MLIP: variants seen among roughly 807,000 people sequenced by gnomAD.
MLIP encodes muscular LMNA-interacting protein.
In MLIP, 79 loss-of-function variants were observed where a neutral mutation model predicts 84.8. The observed-to-expected ratio is 0.93, with a 90% confidence interval of 0.78 to 1.12. MLIP has a LOEUF of 1.12. Among genes scored for constraint, MLIP ranks in the 50% most tolerant of loss-of-function variants. The pLI, the probability that MLIP is intolerant of heterozygous loss-of-function variation, is 0.00. For synonymous variants in MLIP, 504 were observed against 463.0 expected (o/e 1.09, Z -1.14); for missense variants, 1,257 against 1,160.6 (o/e 1.08, Z -1.21).
Position 54,169,035 on chromosome 6 carries a change from CA to C in MLIP, c.2500-492del, listed in dbSNP as rs375771288. On this transcript the variant is annotated intron_variant, in intron 8 of 13. Transcript: ENST00000502396. ...AATGATGTGGATGTTGCACTAGTAG[CA>C]CTAGAGAAATGAAGATGGTGGATAG... Among the ~76,000 whole-genome samples the C allele has an allele frequency of 8.5e-3, 1,289 of 151,696 alleles. 19 individuals carry two copies. Among genetic ancestry groups the C allele is most frequent in the African/African-American group, 0.029 (1,202 of 41,438 alleles).
Position 54,202,101 on chromosome 6 carries a change from G to C in MLIP, c.2590-4G>C. ...TTTAAAATATTTATTTTACATTCAT[G>C]AAGACTAAGCCTGGAGTAATTCGCC... On this transcript the variant is annotated splice_polypyrimidine_tract_variant and splice_region_variant and intron_variant, in intron 10 of 13. Coordinates refer to ENST00000502396, the MANE Select transcript of MLIP (RefSeq NM_001281747.2). 1 of 1,555,988 alleles carries C rather than the reference G, an allele frequency of 6.4e-7. No individual in the cohort carries two copies. The highest frequency in any genetic ancestry group is 8.7e-7 in the Non-Finnish European group (1 of 1,151,978).
At chr6:54,190,353 A>G (rs184730261) in intron 10 of MLIP, among the ~76,000 whole-genome samples, 1 of 152,368 alleles carries the variant, frequency 6.6e-6, no homozygotes, top group Admixed American at 6.5e-5. Flanking sequence ...GCTGAGCAAT[A>G]CAAACACAAC....
At chr6:54,178,535 T>TA (rs1239391702) in intron 9 of MLIP, among the ~76,000 whole-genome samples, 5 of 152,168 alleles carry the variant, frequency 3.3e-5, no homozygotes, top group African/African-American at 4.8e-5. Flanking sequence ...TGTAGGCACT[T>TA]ACAGCTATAA....
chr6:54,056,451 A>G (rs1765665354), intron 1 of MLIP, among the ~76,000 whole-genome samples: 1 of 152,192 alleles, frequency 6.6e-6, no homozygotes, highest in Non-Finnish European at 1.5e-5. Flanking sequence ...GTTGGAGGTC[A>G]TTCTGCTCCC....
chr6:54,230,818 T>G lies in MLIP; in HGVS notation c.2823T>G (p.Ala941=), dbSNP rs1370091168. 24 of 1,613,990 alleles carry G rather than the reference T, an allele frequency of 1.5e-5. No homozygotes were observed. The East Asian group carries it at 3.1e-4, about 21-fold the overall frequency. ...SLLHPQTLSH[A]DCLAPGPFSH... is the part of the protein sequence containing the mutation. The stretch of plus-strand genomic sequence containing the variant: ...TGCATCCACAGACCCTCTCACATGC[T>G]GACTGTCTTGCCCCAGGACCCTTCA... Residue 941 remains alanine (A), a synonymous_variant, in exon 12 of 14, where the codon GCT becomes GCG. Coordinates refer to ENST00000502396, the MANE Select transcript of MLIP (RefSeq NM_001281747.2).
rs1438882946 is a variant in MLIP at position 54,066,544 on chromosome 6, G to A, written c.63+47453G>A. On this transcript the variant is annotated intron_variant, in intron 1 of 12. Transcript: ENST00000274897. ...ATGCACAACCATCTGAATATTTGGG[G>A]CAAGTGAACTTCTGGTATTTAGATT... Among the ~76,000 whole-genome samples, 10 of 57,962 alleles carry A rather than the reference G, an allele frequency of 1.7e-4. 1 individual carries two copies. The highest frequency in any genetic ancestry group is 3.9e-4 in the African/African-American group (10 of 25,600). The allele number at this position is 57,962 out of a possible 152,430, so 38.0% of individuals were successfully genotyped here. A position where few individuals can be genotyped will look rare whatever the true frequency, so the allele number is the denominator to read the frequency against.
chr6:54,202,061 TG>T (rs771871018), intron 10 of MLIP, 43 bp from the exon 11 acceptor site: 13 of 1,378,994 alleles, frequency 9.4e-6, no homozygotes, highest in Admixed American at 4.5e-5. Context: ...ATTTTAATAG[TG>T]TTTTTTTCCT....
chr6:54,160,450 C>T lies in MLIP; in HGVS notation c.2355+18C>T, dbSNP rs768837959. On this transcript the variant is annotated intron_variant, in intron 6 of 13. Coordinates refer to ENST00000502396, the MANE Select transcript of MLIP (RefSeq NM_001281747.2). ...CAGTGGAGGTAATAACTTCAGATTA[C>T]CCCTGCTTTTGGTATGCAATTCCAA... 2.5e-6 allele frequency: 4 copies of T among 1,611,804 alleles called. No individual in the cohort carries two copies. The highest frequency in any genetic ancestry group is 3.4e-6 in the Non-Finnish European group (4 of 1,178,722).
chr6:54,177,552 T>C (rs1776416969), intron 9 of MLIP, among the ~76,000 whole-genome samples: 1 of 152,196 alleles, frequency 6.6e-6, no homozygotes, highest in East Asian at 1.9e-4. Flanking sequence ...CAACAGATGC[T>C]GGTGAGGCTG....
At chr6:54,117,467 G>T (rs1770040377) in intron 1 of MLIP, among the ~76,000 whole-genome samples, 1 of 151,222 alleles carries the variant, frequency 6.6e-6, no homozygotes, top group Non-Finnish European at 1.5e-5. Flanking sequence ...ACCCACCTCA[G>T]CCTCCCAAAG....
chr6:54,215,367 T>C, intron 11 of MLIP: 2 of 1,311,556 alleles, frequency 1.5e-6, no homozygotes, highest in Middle Eastern at 2.8e-4. Flanking sequence ...CCTACAAAAA[T>C]GGGGCTACTA....
chr6:54,234,182 GT>G (rs1781206867), intron 12 of MLIP, among the ~76,000 whole-genome samples: 1 of 152,046 alleles, frequency 6.6e-6, no homozygotes, highest in Non-Finnish European at 1.5e-5. Flanking sequence ...GATGCCTCTA[GT>G]TCCTTTGTCT....
At chr6:54,265,661 C>A (rs972895237) in intron 13 of MLIP, among the ~76,000 whole-genome samples, 2 of 152,036 alleles carry the variant, frequency 1.3e-5, no homozygotes, top group African/African-American at 4.8e-5. Context: ...CTTAAGGCAG[C>A]CCCTGCCCCT....
chr6:54,234,621 C>G (rs1361858268), intron 12 of MLIP, among the ~76,000 whole-genome samples: 1 of 152,320 alleles, frequency 6.6e-6, no homozygotes, highest in African/African-American at 2.4e-5. Context: ...TGCAAACTCA[C>G]TCTTCAGCCC....
At chr6:54,121,410 A>G (rs1160291606) in intron 1 of MLIP, 37 bp from the exon 2 acceptor site, 2 of 1,606,120 alleles carry the variant, frequency 1.2e-6, no homozygotes, top group Non-Finnish European at 8.5e-7. Context: ...TAAACCTTTG[A>G]CAAGGCTGAA....
rs190926954 is a variant in MLIP, at chr6:54,119,155, C to T, written c.97-2292C>T. ...GAGGTTCCTCAAAATATTAAAAATACAACTACCATATGATCTAGCAATCCC... is the reference window on the plus strand; with the variant it reads ...GAGGTTCCTCAAAATATTAAAAATATAACTACCATATGATCTAGCAATCCC... On this transcript the variant is annotated intron_variant, in intron 1 of 13. Coordinates refer to ENST00000502396, the MANE Select transcript of MLIP (RefSeq NM_001281747.2). Among the ~76,000 whole-genome samples the T allele has an allele frequency of 2.0e-4, 30 of 152,294 alleles. 1 individual carries two copies. The East Asian group carries it at 5.6e-3, about 28-fold the overall frequency.
At position 54,080,095 on chromosome 6, in the gene MLIP, A is replaced by C. The variant is rs532342763; in HGVS notation, c.64-41352A>C. On this transcript the variant is annotated intron_variant, in intron 1 of 12. Coordinates refer to the MLIP transcript ENST00000274897. ...AGCTCTGGCCACTTTCCATGCTGTA[A>C]TTTACCAAACCTAATACTCCTTCCC... Among the ~76,000 whole-genome samples, 36 of 152,150 alleles carry C rather than the reference A, an allele frequency of 2.4e-4. No individual in the cohort carries two copies. In the South Asian group the frequency reaches 6.9e-3, roughly 29 times the overall value.
chr6:54,110,021 C>T (rs1399333359), upstream of MLIP, among the ~76,000 whole-genome samples: 3 of 118,448 alleles, frequency 2.5e-5, no homozygotes, highest in Admixed American at 1.0e-4. Flanking sequence ...CTCGCTGTGT[C>T]GCCCAGGCTG....
intron 1 of MLIP, among the ~76,000 whole-genome samples, chr6:54,102,544 T>G (rs1312890907): frequency 6.6e-6 from 1 of 152,124 alleles, no homozygotes; most frequent in Admixed American, 6.6e-5. Flanking sequence ...CGGTTGTTAT[T>G]TTTATATGTG....
Sources: allele counts gnomAD v4.1 joint callset (sites outside exome capture counted in the v4.1 genomes callset), GRCh38; gene constraint gnomAD v4.1.1; transcripts MANE v1.5; gene names NCBI Gene and HGNC (gene_info 2026-07-23, HGNC 2026-07-21).